The following RPH3A variants were observed in gnomAD, a reference collection of about 807,000 sequenced individuals.
The protein encoded by RPH3A is rabphilin 3A, also known as rabphilin-3A.
Under a neutral mutation model 102.2 loss-of-function variants are expected in RPH3A, and 48 were observed. The observed-to-expected ratio is 0.47, with a 90% CI of 0.37 to 0.60. The LOEUF is 0.60. Ranked by LOEUF, RPH3A falls within the 20% of genes least tolerant of loss-of-function variation. The pLI, the probability that RPH3A is intolerant of heterozygous loss-of-function variation, is 0.00. For missense variants in RPH3A, 781 were observed against 910.1 expected (o/e 0.86, Z 1.83); for synonymous variants, 310 against 324.3 (o/e 0.96, Z 0.47).
At chr12:112,692,060 A>G (rs1315429874) in intron 1 of RPH3A, among the ~76,000 whole-genome samples, 1 of 152,236 alleles carries the variant, frequency 6.6e-6, no homozygotes, top group East Asian at 1.9e-4. Context: ...ATGTTAAGTG[A>G]AATAAGCCAG....
intron 1 of RPH3A, among the ~76,000 whole-genome samples, chr12:112,785,796 C>T (rs966545984): frequency 6.6e-5 from 10 of 152,248 alleles, no homozygotes; most frequent in Middle Eastern, 3.4e-3. Flanking sequence ...TAGAACCTGG[C>T]CTCTTAACAA....
chr12:112,685,457 G>A (rs932924274), intron 1 of RPH3A, among the ~76,000 whole-genome samples: 2 of 152,160 alleles, frequency 1.3e-5, no homozygotes, highest in African/African-American at 4.8e-5. Flanking sequence ...TCACTGCTGG[G>A]AAGAAAGGAA....
At chr12:112,698,671 A>G (rs537089304) in intron 1 of RPH3A, among the ~76,000 whole-genome samples, 33 of 152,386 alleles carry the variant, frequency 2.2e-4, no homozygotes, top group Non-Finnish European at 2.9e-4. Context: ...GATAAGTGAC[A>G]TATATTCCCA....
Position 112,659,950 on chromosome 12 carries a change from T to C in RPH3A, c.-140+84631T>C, listed in dbSNP as rs113674993. Among the ~76,000 whole-genome samples the C allele has an allele frequency of 4.6e-3, 699 of 152,286 alleles. 7 individuals carry two copies. The highest frequency in any genetic ancestry group is 0.016 in the African/African-American group (657 of 41,560). On this transcript the variant is annotated intron_variant, in intron 1 of 21. Coordinates refer to the RPH3A transcript ENST00000543106. ...TCAGTCATTTCTCCAAAAAGCCCTGTCTCTTTTTAGTGGTGAATGGTTTTT... is the reference window on the plus strand; with the variant it reads ...TCAGTCATTTCTCCAAAAAGCCCTGCCTCTTTTTAGTGGTGAATGGTTTTT...
intron 1 of RPH3A, among the ~76,000 whole-genome samples, chr12:112,683,481 C>T (rs576405630): frequency 6.6e-5 from 10 of 152,066 alleles, no homozygotes; most frequent in Non-Finnish European, 1.3e-4. Context: ...GAGACAAGGA[C>T]TAAGGTGCAG....
At chr12:112,843,782 G>A (rs1036903345) in intron 4 of RPH3A, among the ~76,000 whole-genome samples, 5 of 152,192 alleles carry the variant, frequency 3.3e-5, no homozygotes, top group South Asian at 2.1e-4. Flanking sequence ...AGGAAGAGAC[G>A]TGGCGGCAAA....
intron 1 of RPH3A, among the ~76,000 whole-genome samples, chr12:112,728,153 AG>A (rs1251390014): frequency 1.3e-5 from 2 of 152,150 alleles, no homozygotes; most frequent in Non-Finnish European, 2.9e-5. Flanking sequence ...AGTCTATTCT[AG>A]GTACACAATT....
chr12:112,866,703 A>G lies in RPH3A; in HGVS notation c.361-54A>G, dbSNP rs190937631. On this transcript the variant is annotated intron_variant, in intron 6 of 21. Coordinates refer to ENST00000389385, the MANE Select transcript of RPH3A (RefSeq NM_001143854.2). Reference sequence around the variant, plus strand: ...AGAGAAAGTGGGGGGCTACGTTGCCATGCCTCCCATGAGCATGGCTCATCT... The same window carrying G: ...AGAGAAAGTGGGGGGCTACGTTGCCGTGCCTCCCATGAGCATGGCTCATCT... The G allele has an allele frequency of 1.4e-5, 21 of 1,474,258 alleles. No homozygotes were observed. The Admixed American group carries it at 2.6e-4, about 18-fold the overall frequency. The allele number at this position is 1,474,258 out of a possible 1,614,324, so 91.3% of individuals were successfully genotyped here.
intron 1 of RPH3A, among the ~76,000 whole-genome samples, chr12:112,586,827 A>G (rs1359844802): frequency 6.6e-6 from 1 of 152,198 alleles, no homozygotes; most frequent in African/African-American, 2.4e-5. Flanking sequence ...GAGGATTTGG[A>G]CCTCAGGGTG....
intron 1 of RPH3A, among the ~76,000 whole-genome samples, chr12:112,715,586 C>G (rs1350665510): frequency 6.6e-6 from 1 of 152,144 alleles, no homozygotes; most frequent in African/African-American, 2.4e-5. Context: ...TATGTGAAGA[C>G]TTTAATTTGT....
chr12:112,761,373 G>A (rs1473223079), intron 1 of RPH3A, among the ~76,000 whole-genome samples: 5 of 152,236 alleles, frequency 3.3e-5, no homozygotes, highest in Non-Finnish European at 7.3e-5. Flanking sequence ...GGTAGGCAAT[G>A]GATAGGTTTC....
At chr12:112,763,654 AAT>A (rs1208154511) in intron 1 of RPH3A, among the ~76,000 whole-genome samples, 2 of 152,166 alleles carry the variant, frequency 1.3e-5, no homozygotes, top group Admixed American at 1.3e-4. Flanking sequence ...CTTCAGAGAG[AAT>A]AGATTGTAAA....
chr12:112,722,339 A>G (rs1441807607), intron 1 of RPH3A, among the ~76,000 whole-genome samples: 3 of 152,252 alleles, frequency 2.0e-5, no homozygotes, highest in Non-Finnish European at 4.4e-5. Context: ...GGCCAAATAC[A>G]AATTCTTATT....
intron 1 of RPH3A, among the ~76,000 whole-genome samples, chr12:112,693,890 C>CT (rs1400177814): frequency 6.6e-6 from 1 of 152,232 alleles, no homozygotes; most frequent in African/African-American, 2.4e-5. Context: ...AGCCTATTCC[C>CT]TTCTTGTTCT....
At chr12:112,876,890 T>A in intron 13 of RPH3A, 24 bp downstream of exon 13, 1 of 1,539,430 alleles carries the variant, frequency 6.5e-7, no homozygotes, top group Non-Finnish European at 8.8e-7. Flanking sequence ...AAGGGAGAGG[T>A]ATCTTGGAAA....
At chr12:112,600,933 C>T (rs1163558402) in intron 1 of RPH3A, among the ~76,000 whole-genome samples, 1 of 152,202 alleles carries the variant, frequency 6.6e-6, no homozygotes, top group Non-Finnish European at 1.5e-5. Flanking sequence ...GAAGTCACCT[C>T]TTCACAGGAC....
rs10437845 is a variant in RPH3A at position 112,882,688 on chromosome 12, C to G, written c.1327-605C>G. ...ATGAAGTGTTTGGCCCCTGCTCCTC[C>G]TCACTCCCCAGTGATGTTTGCTTCT... On this transcript the variant is annotated intron_variant, in intron 15 of 21. Coordinates refer to ENST00000389385, the MANE Select transcript of RPH3A (RefSeq NM_001143854.2). Among the ~76,000 whole-genome samples the G allele has an allele frequency of 8.1e-3, 1,231 of 152,328 alleles. 15 individuals carry two copies. The highest frequency in any genetic ancestry group is 0.028 in the African/African-American group (1,163 of 41,568).
At chr12:112,782,379 C>T (rs1208729487) in intron 1 of RPH3A, among the ~76,000 whole-genome samples, 1 of 152,238 alleles carries the variant, frequency 6.6e-6, no homozygotes, top group African/African-American at 2.4e-5. Context: ...CCTTCACAAA[C>T]TCTGGGGAGA....
At position 112,879,122 on chromosome 12, in the gene RPH3A, C is replaced by T. The variant is rs779646743; in HGVS notation, c.1175C>T (p.Thr392Ile). Residue 392 changes from threonine (T) to isoleucine (I), a missense_variant, in exon 14 of 22, where the codon ACC becomes ATC. Physicochemically the swap from Thr to Ile is moderately conservative, Grantham distance 89. Transcript: ENST00000389385. ...TTCCTGTCTCTGCCCCCTTCAGCCA[C>T]CCTGGGTGCCCTGGAATTCAGCCTT... Reference protein sequence around the residue: ...ANSYDSDEATTLGALEFSLLY... With the variant: ...ANSYDSDEATILGALEFSLLY... The T allele has an allele frequency of 4.3e-6, 7 of 1,613,738 alleles. No individual in the cohort carries two copies. Among genetic ancestry groups the T allele is most frequent in the African/African-American group, 4.0e-5 (3 of 74,916 alleles).
Sources: gnomAD v4.1 joint callset for allele counts (sites outside exome capture counted in the v4.1 genomes callset) on GRCh38, gnomAD v4.1.1 for gene constraint, MANE v1.5 for transcripts, NCBI Gene and HGNC (gene_info 2026-07-23, HGNC 2026-07-21) for gene names.